Variants in C2CD4C observed in about 807,000 individuals in gnomAD.
C2CD4C encodes the protein C2 calcium dependent domain containing 4C.
Under a neutral mutation model 4.1 loss-of-function variants are expected in C2CD4C, and 3 were observed. The ratio of observed to expected loss-of-function variants is 0.73; its 90% confidence interval spans 0.33 to 1.88. The LOEUF (loss-of-function observed/expected upper bound fraction) is 1.88. Among genes scored for constraint, C2CD4C ranks in the 40% most tolerant of loss-of-function variants. The pLI is 0.08. For synonymous variants in C2CD4C, 364 were observed against 290.4 expected (o/e 1.25, Z -2.57); for missense variants, 664 against 621.5 (o/e 1.07, Z -0.73).
Position 406,985 on chromosome 19 carries a change from T to TACCCCC in C2CD4C, c.*110_*111insGGGGGT. The TACCCCC allele has an allele frequency of 1.5e-4, 94 of 616,406 alleles. No individual in the cohort carries two copies. The highest frequency in any genetic ancestry group is 3.5e-4 in the East Asian group (9 of 26,030). The allele number at this position is 616,406 out of a possible 1,614,324, so 38.2% of individuals were successfully genotyped here. ...CCAGCCCAGCCTGAGTGTGAGCCCC[T>TACCCCC]CCCCGGCCAGCCCCAGCCCAAGCCA... On this transcript the variant is annotated 3_prime_UTR_variant, in exon 2 of 2. Transcript: ENST00000332235.
Position 407,725 on chromosome 19 carries a change from C to G in C2CD4C, c.637G>C (p.Gly213Arg), listed in dbSNP as rs1209991979. The G allele has an allele frequency of 1.3e-6, 2 of 1,533,398 alleles. No homozygotes were observed. Among genetic ancestry groups the G allele is most frequent in the African/African-American group, 2.8e-5 (2 of 72,112 alleles). The allele number at this position is 1,533,398 out of a possible 1,614,324, so 95.0% of individuals were successfully genotyped here. A position where few individuals can be genotyped will look rare whatever the true frequency, so the allele number is the denominator to read the frequency against. The stretch of plus-strand genomic sequence containing the variant: ...GAGGACCCTGTGTCGCTCTCCCCGC[C>G]ACTGAAGTAGCGGCCGGGGCTCATG... ...ALMSPGRYFS[G>R]GESDTGSSAE... The change falls in exon 2 of 2, where the codon GGC (glycine) becomes CGC (arginine). Residue 213 changes from glycine (G) to arginine (R), a missense_variant. By Grantham distance (125) the Gly-to-Arg change is moderately radical. Coordinates refer to ENST00000332235, the MANE Select transcript of C2CD4C (RefSeq NM_001136263.2).
chr19:408,405 G>A lies in C2CD4C; in HGVS notation c.-40-4C>T. The A allele has an allele frequency of 3.3e-6, 5 of 1,519,736 alleles. No individual in the cohort carries two copies. The highest frequency in any genetic ancestry group is 4.4e-6 in the Non-Finnish European group (5 of 1,132,472). 94.1% of individuals were successfully genotyped at this position (1,519,736 alleles called of 1,614,324 possible). A position where few individuals can be genotyped will look rare whatever the true frequency, so the allele number is the denominator to read the frequency against. On this transcript the variant is annotated splice_polypyrimidine_tract_variant and splice_region_variant and intron_variant, in intron 1 of 1. Coordinates refer to ENST00000332235, the MANE Select transcript of C2CD4C (RefSeq NM_001136263.2). Reference sequence around the variant, plus strand: ...GCCCGGACAGGGGCTGCAGCGTCTGGGAAGAGAAGCAGGGGTCAGGAGCAG... The same window carrying A: ...GCCCGGACAGGGGCTGCAGCGTCTGAGAAGAGAAGCAGGGGTCAGGAGCAG...
rs1974032475 is a variant in C2CD4C, at chr19:408,327, A to G, written c.35T>C (p.Leu12Pro). ...AGCACCGTTTTCCCCAGACCCCCGA[A>G]GCCGCTCCAAGAACCACATGTTGGT... ...RKTNMWFLER[L>P]RGSGENGAAR... The change falls in exon 2 of 2, where the codon CTT becomes CCT. Residue 12 changes from leucine to proline, a missense_variant. Physicochemically the swap from Leu to Pro is moderately conservative, Grantham distance 98. Coordinates refer to ENST00000332235, the MANE Select transcript of C2CD4C (RefSeq NM_001136263.2). 6.5e-7 allele frequency: 1 copy of G among 1,547,762 alleles called. No individual in the cohort carries two copies. Among genetic ancestry groups the G allele is most frequent in the Admixed American group, 2.0e-5 (1 of 50,848 alleles).
chr19:407,463 G>C lies in C2CD4C; in HGVS notation c.899C>G (p.Thr300Arg). 1 of 1,422,776 alleles carries C rather than the reference G, an allele frequency of 7.0e-7. No homozygotes were observed. Among genetic ancestry groups the C allele is most frequent in the Non-Finnish European group, 9.1e-7 (1 of 1,095,208 alleles). 88.1% of individuals were successfully genotyped at this position (1,422,776 alleles called of 1,614,324 possible). A position where few individuals can be genotyped will look rare whatever the true frequency, so the allele number is the denominator to read the frequency against. The change falls in exon 2 of 2, where the codon ACG (threonine) becomes AGG (arginine). Residue 300 changes from threonine (T) to arginine (R), a missense_variant. Coordinates refer to ENST00000332235, the MANE Select transcript of C2CD4C (RefSeq NM_001136263.2). ...GCTGCCCCGAGGGCCCACGTGGACC[G>C]TGTGCTCCCCACGCGCCTGGCCCGA... ...PESGQARGEH[T>R]VHVGPRGSVR...
At chr19:408,437 G>T (rs1214265731) in intron 1 of C2CD4C, 36 bp from the exon 2 acceptor site, 11 of 1,428,420 alleles carry the variant, frequency 7.7e-6, no homozygotes, top group Non-Finnish European at 1.0e-5. Context: ...GCAGTGGGGG[G>T]CGGCTGGCAG....
chr19:407,379 G>A lies in C2CD4C; in HGVS notation c.983C>T (p.Ala328Val). The A allele has an allele frequency of 1.3e-6, 2 of 1,539,342 alleles. No individual in the cohort carries two copies. ...CAGGCGGTCGTAGAGGCCCTCGGCGGCCAGCAGGTGCACCCGCAGGCGGGC... is the reference window on the plus strand; with the variant it reads ...CAGGCGGTCGTAGAGGCCCTCGGCGACCAGCAGGTGCACCCGCAGGCGGGC... ...GQARLRVHLL[A>V]AEGLYDRLCD... Residue 328 changes from alanine (A) to valine (V), a missense_variant, in exon 2 of 2, where the codon GCC becomes GTC. Transcript: ENST00000332235.
rs1974046167 is a variant in C2CD4C, at chr19:409,039, G to C, written c.-74C>G. The C allele has an allele frequency of 6.5e-6, 1 of 152,796 alleles. No individual in the cohort carries two copies. The highest frequency in any genetic ancestry group is 2.4e-5 in the African/African-American group (1 of 41,430). 9.5% of individuals were successfully genotyped at this position (152,796 alleles called of 1,614,324 possible). On this transcript the variant is annotated 5_prime_UTR_variant, in exon 1 of 2. Coordinates refer to ENST00000332235, the MANE Select transcript of C2CD4C (RefSeq NM_001136263.2). ...GGTGATGGCCCGAGGCCGGAGGTCT[G>C]TTCGCAGACACGCAGGGGTCTCGGC...
Position 407,506 on chromosome 19 carries a change from G to T in C2CD4C, c.856C>A (p.Pro286Thr). Residue 286 changes from proline (P) to threonine (T), a missense_variant, in exon 2 of 2, where the codon CCG becomes ACG. Physicochemically the swap from Pro to Thr is conservative, Grantham distance 38 (BLOSUM62 -1). Transcript: ENST00000332235. ...SRRRLTRRAP[P>T]EPGPESGQAR... ...TGGCCCGACTCGGGGCCAGGTTCCGGGGGTGCCCGGCGGGTCAGGCGGCGC... is the reference window on the plus strand; with the variant it reads ...TGGCCCGACTCGGGGCCAGGTTCCGTGGGTGCCCGGCGGGTCAGGCGGCGC... The T allele has an allele frequency of 1.4e-6, 2 of 1,381,660 alleles. No homozygotes were observed. Among genetic ancestry groups the T allele is most frequent in the Non-Finnish European group, 1.9e-6 (2 of 1,070,818 alleles). 85.6% of individuals were successfully genotyped at this position (1,381,660 alleles called of 1,614,324 possible).
chr19:407,478 G>T lies in C2CD4C; in HGVS notation c.884C>A (p.Ala295Glu), dbSNP rs1285326868. The T allele has an allele frequency of 7.2e-7, 1 of 1,385,550 alleles. No individual in the cohort carries two copies. The allele number at this position is 1,385,550 out of a possible 1,614,324, so 85.8% of individuals were successfully genotyped here. ...PPEPGPESGQ[A>E]RGEHTVHVGP... ...CACGTGGACCGTGTGCTCCCCACGC[G>T]CCTGGCCCGACTCGGGGCCAGGTTC... The change falls in exon 2 of 2, where the codon GCG becomes GAG. Residue 295 changes from alanine to glutamate, a missense_variant. Ala to Glu is a moderately radical substitution (Grantham distance 107, BLOSUM62 -1). Transcript: ENST00000332235.
Position 407,517 on chromosome 19 carries a change from C to G in C2CD4C, c.845G>C (p.Arg282Pro). 1.4e-6 allele frequency: 2 copies of G among 1,380,192 alleles called. No individual in the cohort carries two copies. The highest frequency in any genetic ancestry group is 3.4e-5 in the South Asian group (2 of 59,312). 85.5% of individuals were successfully genotyped at this position (1,380,192 alleles called of 1,614,324 possible). A position where few individuals can be genotyped will look rare whatever the true frequency, so the allele number is the denominator to read the frequency against. Residue 282 changes from arginine (R) to proline (P), a missense_variant, in exon 2 of 2, where the codon CGC becomes CCC. Coordinates refer to ENST00000332235, the MANE Select transcript of C2CD4C (RefSeq NM_001136263.2). ...ASPGSRRRLT[R>P]RAPPEPGPES... Reference sequence around the variant, plus strand: ...GGGGCCAGGTTCCGGGGGTGCCCGGCGGGTCAGGCGGCGCCGGCTCCCGGG... The same window carrying G: ...GGGGCCAGGTTCCGGGGGTGCCCGGGGGGTCAGGCGGCGCCGGCTCCCGGG...
chr19:407,722 C>G lies in C2CD4C; in HGVS notation c.640G>C (p.Gly214Arg), dbSNP rs990372881. 1 of 1,534,766 alleles carries G rather than the reference C, an allele frequency of 6.5e-7. No individual in the cohort carries two copies. Among genetic ancestry groups the G allele is most frequent in the Non-Finnish European group, 8.8e-7 (1 of 1,139,546 alleles). The change falls in exon 2 of 2, where the codon GGG becomes CGG. Residue 214 changes from glycine (G) to arginine (R), a missense_variant. Coordinates refer to ENST00000332235, the MANE Select transcript of C2CD4C (RefSeq NM_001136263.2). ...GCCGAGGACCCTGTGTCGCTCTCCCCGCCACTGAAGTAGCGGCCGGGGCTC... is the reference window on the plus strand; with the variant it reads ...GCCGAGGACCCTGTGTCGCTCTCCCGGCCACTGAAGTAGCGGCCGGGGCTC... Reference protein sequence around the residue: ...LMSPGRYFSGGESDTGSSAES... With the variant: ...LMSPGRYFSGRESDTGSSAES...
rs1243306535 is a variant in C2CD4C at position 405,505 on chromosome 19, G to A, written c.*1591C>T. ...TTATAAACAAACACAGCTGGGGAGT[G>A]TCTTAAAGATTTACCCACAGTCAAC... is the stretch of plus-strand genomic sequence containing the variant. On this transcript the variant is annotated 3_prime_UTR_variant, in exon 2 of 2. Transcript: ENST00000332235. The A allele has an allele frequency of 1.3e-5, 2 of 152,284 alleles. No homozygotes were observed. The highest frequency in any genetic ancestry group is 4.1e-4 in the South Asian group (2 of 4,832). 9.4% of individuals were successfully genotyped at this position (152,284 alleles called of 1,614,324 possible).
chr19:408,372 G>A lies in C2CD4C; in HGVS notation c.-11C>T, dbSNP rs940618902. On this transcript the variant is annotated 5_prime_UTR_variant, in exon 2 of 2. Coordinates refer to ENST00000332235, the MANE Select transcript of C2CD4C (RefSeq NM_001136263.2). ...GTTGGTTTTTCTCATGGGGGCGGCA[G>A]GCAAGAGGCCCGGACAGGGGCTGCA... 1.4e-5 allele frequency: 22 copies of A among 1,545,544 alleles called. No individual in the cohort carries two copies. The highest frequency in any genetic ancestry group is 2.8e-5 in the African/African-American group (2 of 72,458).
Position 408,245 on chromosome 19 carries a change from G to C in C2CD4C, c.117C>G (p.Ser39Arg). 1 of 1,494,330 alleles carries C rather than the reference G, an allele frequency of 6.7e-7. No individual in the cohort carries two copies. The highest frequency in any genetic ancestry group is 8.9e-7 in the Non-Finnish European group (1 of 1,125,388). The allele number at this position is 1,494,330 out of a possible 1,614,324, so 92.6% of individuals were successfully genotyped here. A position where few individuals can be genotyped will look rare whatever the true frequency, so the allele number is the denominator to read the frequency against. Residue 39 changes from serine (S) to arginine (R), a missense_variant, in exon 2 of 2, where the codon AGC becomes AGG. By Grantham distance (110) the Ser-to-Arg change is moderately radical. Coordinates refer to ENST00000332235, the MANE Select transcript of C2CD4C (RefSeq NM_001136263.2). ...GGATCTTGTCGGGCGTCAACACATT[G>C]CTGTACAGGGGCCCCTTGGAGGCCT... ...GDKASKGPLY[S>R]NVLTPDKIPD...
Position 406,409 on chromosome 19 carries a change from G to A in C2CD4C, c.*687C>T, listed in dbSNP as rs879496113. ...CCAGGAGAGCCGTCTCCTCCCCGCG[G>A]ACCTCTGCCAAGACCTCCTCTGCTC... is the stretch of plus-strand genomic sequence containing the variant. On this transcript the variant is annotated 3_prime_UTR_variant, in exon 2 of 2. Coordinates refer to ENST00000332235, the MANE Select transcript of C2CD4C (RefSeq NM_001136263.2). 6.6e-6 allele frequency: 1 copy of A among 152,320 alleles called. No individual in the cohort carries two copies. The highest frequency in any genetic ancestry group is 2.1e-4 in the South Asian group (1 of 4,836). 9.4% of individuals were successfully genotyped at this position (152,320 alleles called of 1,614,324 possible).
In C2CD4C at chr19:407,410, C is replaced by A. The variant is rs1011409831; in HGVS notation, c.952G>T (p.Gly318Cys). 4 of 1,529,250 alleles carry A rather than the reference C, an allele frequency of 2.6e-6. No homozygotes were observed. Among genetic ancestry groups the A allele is most frequent in the East Asian group, 2.5e-5 (1 of 40,648 alleles). The allele number at this position is 1,529,250 out of a possible 1,614,324, so 94.7% of individuals were successfully genotyped here. A position where few individuals can be genotyped will look rare whatever the true frequency, so the allele number is the denominator to read the frequency against. ...SVRLLAEYEAGQARLRVHLLA... is the reference protein window; with the variant it reads ...SVRLLAEYEACQARLRVHLLA... ...AGGTGCACCCGCAGGCGGGCCTGGC[C>A]GGCCTCGTACTCGGCCAGCAGCCGC... The change falls in exon 2 of 2, where the codon GGC becomes TGC. Residue 318 changes from glycine (G) to cysteine (C), a missense_variant. Coordinates refer to ENST00000332235, the MANE Select transcript of C2CD4C (RefSeq NM_001136263.2).
At chr19:408,448 A>G in intron 1 of C2CD4C, 47 bp from the exon 2 acceptor site, 2 of 999,426 alleles carry the variant, frequency 2.0e-6, no homozygotes, top group South Asian at 1.8e-5. Context: ...CGGCTGGCAG[A>G]GGGCCCTGGG....
Position 407,679 on chromosome 19 carries a change from C to T in C2CD4C, c.683G>A (p.Gly228Glu). 4 of 1,532,528 alleles carry T rather than the reference C, an allele frequency of 2.6e-6. No individual in the cohort carries two copies. The highest frequency in any genetic ancestry group is 3.5e-6 in the Non-Finnish European group (4 of 1,138,420). The allele number at this position is 1,532,528 out of a possible 1,614,324, so 94.9% of individuals were successfully genotyped here. Residue 228 changes from glycine (G) to glutamate (E), a missense_variant, in exon 2 of 2, where the codon GGG (glycine) becomes GAG (glutamate). Transcript: ENST00000332235. The stretch of plus-strand genomic sequence containing the variant: ...CACGGAGCGGGACAGCAGAGGGGAC[C>T]CGAAGGGGGAGGACTCGGCCGAGGA... Reference protein sequence around the residue: ...TGSSAESSPFGSPLLSRSVSL... With the variant: ...TGSSAESSPFESPLLSRSVSL...
rs1487624650 is a variant in C2CD4C, at chr19:407,962, C to A, written c.400G>T (p.Gly134Cys). Residue 134 changes from glycine (G) to cysteine (C), a missense_variant, in exon 2 of 2, where the codon GGT becomes TGT. Transcript: ENST00000332235. ...GGCACCGAGGGCAGGGACATGGCAC[C>A]CTGGGCCTGGGGGTCGGCGTCAGTG... ...EATDADPQAQ[G>C]AMSLPSVPKA... The A allele has an allele frequency of 6.5e-7, 1 of 1,549,106 alleles. No individual in the cohort carries two copies. The highest frequency in any genetic ancestry group is 8.7e-7 in the Non-Finnish European group (1 of 1,146,486).
Sources: gnomAD v4.1 joint callset for allele counts on GRCh38, gnomAD v4.1.1 for gene constraint, MANE v1.5 for transcripts, NCBI Gene and HGNC (gene_info 2026-07-23, HGNC 2026-07-21) for gene names.